Variants in VPS13A observed in about 807,000 individuals in gnomAD.
VPS13A encodes vacuolar protein sorting 13 homolog A.
VPS13A carries 264 observed loss-of-function variants against 390.9 expected under a neutral mutation model. The ratio of observed to expected loss-of-function variants is 0.68; its 90% CI spans 0.61 to 0.75. VPS13A has a LOEUF of 0.75. Ranked by LOEUF, VPS13A falls within the 30% of genes least tolerant of loss-of-function variation. The pLI is 0.00. For missense variants in VPS13A, 3,409 were observed against 3,733.9 expected, an observed-to-expected ratio of 0.91 and a Z score of 2.27; for synonymous variants, 1,231 against 1,227.1, an observed-to-expected ratio of 1.00 and a Z score of -0.07.
At position 77,216,088 on chromosome 9, in the gene VPS13A, C is replaced by G. The variant is rs374007556; in HGVS notation, c.754+1702C>G. Among the ~76,000 whole-genome samples, 14 of 152,174 alleles carry G rather than the reference C, an allele frequency of 9.2e-5. No homozygotes were observed. The East Asian group carries it at 1.5e-3, about 17-fold the overall frequency. On this transcript the variant is annotated intron_variant, in intron 10 of 71. Coordinates refer to ENST00000360280, the MANE Select transcript of VPS13A (RefSeq NM_033305.3). ...AGTCTATTGAATGAACATACTGGAACCAGGCAGCATAACTCTTTCCTCCTG... is the reference window on the plus strand; with the variant it reads ...AGTCTATTGAATGAACATACTGGAAGCAGGCAGCATAACTCTTTCCTCCTG...
At chr9:77,300,341 A>C (rs951204308) in intron 33 of VPS13A, among the ~76,000 whole-genome samples, 2 of 152,178 alleles carry the variant, frequency 1.3e-5, no homozygotes, top group African/African-American at 4.8e-5. Flanking sequence ...TTTCTTTGGG[A>C]TAATTCATTT....
intron 33 of VPS13A, among the ~76,000 whole-genome samples, chr9:77,302,033 A>G (rs553012880): frequency 1.6e-4 from 25 of 151,728 alleles, no homozygotes; most frequent in Non-Finnish European, 2.2e-4. Context: ...TCTTGGTTCA[A>G]TGCAACCTCC....
chr9:77,213,104 G>T, intron 8 of VPS13A, 76 bp downstream of exon 8: 1 of 1,565,828 alleles, frequency 6.4e-7, no homozygotes. Context: ...TATAGATAAG[G>T]ATGTATGTGA....
chr9:77,390,172 C>T, intron 68 of VPS13A: 1 of 926,268 alleles, frequency 1.1e-6, no homozygotes, highest in Non-Finnish European at 1.3e-6. Context: ...GAGACAAAGG[C>T]TATTGGACTT....
At chr9:77,235,650 T>C (rs891566844) in intron 17 of VPS13A, among the ~76,000 whole-genome samples, 3 of 152,192 alleles carry the variant, frequency 2.0e-5, no homozygotes, top group African/African-American at 7.2e-5. Context: ...CTTTTTCTCA[T>C]GTCCTTCGGA....
At chr9:77,317,299 A>T (rs1274156401) in intron 39 of VPS13A, among the ~76,000 whole-genome samples, 1 of 151,916 alleles carries the variant, frequency 6.6e-6, no homozygotes, top group Non-Finnish European at 1.5e-5. Context: ...TTCTATTCAC[A>T]TCTTTTTTGG....
intron 59 of VPS13A, among the ~76,000 whole-genome samples, 187 bp from the exon 60 acceptor site, chr9:77,365,273 T>C (rs970857705): frequency 6.6e-6 from 1 of 152,182 alleles, no homozygotes; most frequent in Non-Finnish European, 1.5e-5. Context: ...AAGATAATGC[T>C]TGTTGGTTTG....
At chr9:77,377,170 T>C (rs1344597461) in intron 67 of VPS13A, among the ~76,000 whole-genome samples, 2 of 151,568 alleles carry the variant, frequency 1.3e-5, no homozygotes, top group African/African-American at 2.4e-5. Context: ...TATACTTCTT[T>C]TTAAAAACTT....
chr9:77,287,218 A>G (rs1827383265), intron 31 of VPS13A, among the ~76,000 whole-genome samples: 1 of 145,560 alleles, frequency 6.9e-6, no homozygotes, highest in Admixed American at 6.9e-5. Context: ...TTATATATAC[A>G]TAAAATTCTC....
intron 61 of VPS13A, among the ~76,000 whole-genome samples, chr9:77,367,125 A>G (rs969527827): frequency 6.6e-6 from 1 of 152,178 alleles, no homozygotes; most frequent in Non-Finnish European, 1.5e-5. Context: ...CACATTTTAA[A>G]AGATCTTTCT....
At chr9:77,192,383 G>A (rs529432131) in intron 1 of VPS13A, among the ~76,000 whole-genome samples, 34 of 152,006 alleles carry the variant, frequency 2.2e-4, no homozygotes, top group Non-Finnish European at 4.6e-4. Context: ...TCCTGTTATC[G>A]TGTTGTTAGC....
intron 22 of VPS13A, among the ~76,000 whole-genome samples, chr9:77,253,875 A>G (rs1041938323): frequency 6.8e-6 from 1 of 146,122 alleles, no homozygotes; most frequent in Non-Finnish European, 1.5e-5. Context: ...TTTTATTTAG[A>G]TCTTTGATCC....
rs368599408 is a variant in VPS13A at position 77,388,793 on chromosome 9, T to A, written c.9189+6706T>A. 6.0e-4 allele frequency among the ~76,000 whole-genome samples: 92 copies of A among 152,334 alleles called. 2 individuals are homozygous for A. In the South Asian group the frequency reaches 0.018, roughly 30 times the overall value. ...TTGGGCATGTTATATTTTTCTACTA[T>A]AAATTATCATTTATCAGTAACCTGT... On this transcript the variant is annotated intron_variant, in intron 68 of 71. Transcript: ENST00000360280.
At position 77,228,110 on chromosome 9, in the gene VPS13A, A is replaced by G; in HGVS notation, c.1453-12A>G. The G allele has an allele frequency of 1.3e-6, 2 of 1,568,884 alleles. No individual in the cohort carries two copies. The highest frequency in any genetic ancestry group is 1.7e-6 in the Non-Finnish European group (2 of 1,148,164). ...TATATGTTTTCATTTTATTCTTCTG[A>G]ATATACCTTAGTTTGAAGCCTTGAA... On this transcript the variant is annotated splice_polypyrimidine_tract_variant and intron_variant, in intron 16 of 71. Coordinates refer to ENST00000360280, the MANE Select transcript of VPS13A (RefSeq NM_033305.3).
At chr9:77,357,356 T>A (rs1455092012) in intron 55 of VPS13A, among the ~76,000 whole-genome samples, 5 of 150,698 alleles carry the variant, frequency 3.3e-5, no homozygotes, top group Non-Finnish European at 5.9e-5. Context: ...AAGAAAACTT[T>A]CTTTTAAGAT....
At chr9:77,343,593 A>G (rs1341216467) in intron 50 of VPS13A, among the ~76,000 whole-genome samples, 1 of 152,000 alleles carries the variant, frequency 6.6e-6, no homozygotes, top group Non-Finnish European at 1.5e-5. Flanking sequence ...CTATTCTTTT[A>G]GTTTGGTTTC....
At chr9:77,378,101 G>C (rs1390184488) in intron 67 of VPS13A, among the ~76,000 whole-genome samples, 1 of 152,100 alleles carries the variant, frequency 6.6e-6, no homozygotes, top group African/African-American at 2.4e-5. Flanking sequence ...ATATTTATAA[G>C]GGATATTGGT....
intron 19 of VPS13A, among the ~76,000 whole-genome samples, chr9:77,242,210 T>G (rs910371874): frequency 3.9e-5 from 6 of 152,164 alleles, no homozygotes; most frequent in African/African-American, 1.4e-4. Flanking sequence ...ATTCACTTTA[T>G]CCTTATTGGT....
chr9:77,353,688 T>G, intron 54 of VPS13A, 47 bp downstream of exon 54: 2 of 1,502,276 alleles, frequency 1.3e-6, no homozygotes, highest in Non-Finnish European at 1.8e-6. Flanking sequence ...CAGTTTCTAA[T>G]TGTTAAGAAA....
Sources: allele counts gnomAD v4.1 joint callset (sites outside exome capture counted in the v4.1 genomes callset), GRCh38; gene constraint gnomAD v4.1.1; transcripts MANE v1.5; gene names NCBI Gene and HGNC (gene_info 2026-07-23, HGNC 2026-07-21).